Variants in ZNF395 observed in about 807,000 individuals in gnomAD.
The protein encoded by ZNF395 is zinc finger protein 395.
Under a neutral mutation model 57.7 loss-of-function variants are expected in ZNF395, and 20 were observed. That is an observed-to-expected ratio of 0.35 (90% CI 0.24 to 0.50). The LOEUF (loss-of-function observed/expected upper bound fraction) is 0.50. Ranked by LOEUF, ZNF395 falls within the 20% of genes least tolerant of loss-of-function variation. The pLI, the probability that ZNF395 is intolerant of heterozygous loss-of-function variation, is 0.97. For synonymous variants in ZNF395, 295 were observed against 275.9 expected, an observed-to-expected ratio of 1.07 and a Z score of -0.69; for missense variants, 606 against 671.2, an observed-to-expected ratio of 0.90 and a Z score of 1.07.
chr8:28,370,753 G>A (rs77688969), intron 1 of ZNF395, among the ~76,000 whole-genome samples: 4,955 of 152,248 alleles, frequency 0.033, 226 homozygotes, highest in African/African-American at 0.1. Context: ...TGAGGGGGCT[G>A]ACACACACAC....
intron 1 of ZNF395, among the ~76,000 whole-genome samples, chr8:28,376,265 G>A (rs1261216572): frequency 6.6e-6 from 1 of 152,076 alleles, no homozygotes. Context: ...TAGTCTCAAA[G>A]TGCTTGGATT....
chr8:28,358,648 G>C lies in ZNF395; in HGVS notation c.473+944C>G, dbSNP rs567782827. 2.0e-5 allele frequency among the ~76,000 whole-genome samples: 3 copies of C among 152,178 alleles called. No homozygotes were observed. In the South Asian group the frequency reaches 6.2e-4, roughly 32 times the overall value. The stretch of plus-strand genomic sequence containing the variant: ...GTCAAAGTTTCCCTATGTTGCCCAG[G>C]CTGGTCTCAAACTCCCAGCCTCAAG... On this transcript the variant is annotated intron_variant, in intron 3 of 9. Transcript: ENST00000344423.
In ZNF395 at chr8:28,348,791, A is replaced by G. The variant is rs771570883; in HGVS notation, c.1470T>C (p.Tyr490=). Residue 490 remains tyrosine, a synonymous_variant, in exon 10 of 10, where the codon TAT becomes TAC. Transcript: ENST00000344423. ...ACCACTGGTCCCGGTGCTCGATGCC[A>G]TACACCTTGCGGCACTTCTTAGCCT... The part of the protein sequence containing the change: ...RGEAKKCRKV[Y]GIEHRDQWCT... The G allele has an allele frequency of 1.9e-6, 3 of 1,614,040 alleles. No homozygotes were observed. The highest frequency in any genetic ancestry group is 2.5e-6 in the Non-Finnish European group (3 of 1,180,018).
At chr8:28,370,712 T>C (rs1222490820) in intron 1 of ZNF395, among the ~76,000 whole-genome samples, 1 of 152,162 alleles carries the variant, frequency 6.6e-6, no homozygotes, top group Non-Finnish European at 1.5e-5. Flanking sequence ...CACCGGGTGC[T>C]GGTGAGTTCT....
At chr8:28,374,842 C>T (rs1802021532) in intron 1 of ZNF395, among the ~76,000 whole-genome samples, 1 of 152,184 alleles carries the variant, frequency 6.6e-6, no homozygotes, top group Non-Finnish European at 1.5e-5. Context: ...CCAGCCCTTG[C>T]CCAATCACAC....
At chr8:28,370,267 A>G (rs975701389) in intron 1 of ZNF395, among the ~76,000 whole-genome samples, 22 of 152,244 alleles carry the variant, frequency 1.4e-4, no homozygotes, top group Admixed American at 9.8e-4. Flanking sequence ...CCCCAAAAAC[A>G]GAAAGTCAGC....
rs1801594134 is a variant in ZNF395 at position 28,345,879 on chromosome 8, G to A, written c.*2840C>T. 1 of 151,814 alleles carries A rather than the reference G, an allele frequency of 6.6e-6. No homozygotes were observed. The highest frequency in any genetic ancestry group is 2.1e-4 in the South Asian group (1 of 4,816). The allele number at this position is 151,814 out of a possible 1,614,324, so 9.4% of individuals were successfully genotyped here. A position where few individuals can be genotyped will look rare whatever the true frequency, so the allele number is the denominator to read the frequency against. ...CCAAATGAATATTGTTCTCCAAGGAGTCAAGCTATAGACTCACAATGACAA... is the reference window on the plus strand; with the variant it reads ...CCAAATGAATATTGTTCTCCAAGGAATCAAGCTATAGACTCACAATGACAA... On this transcript the variant is annotated 3_prime_UTR_variant, in exon 10 of 10. Coordinates refer to ENST00000344423, the MANE Select transcript of ZNF395 (RefSeq NM_018660.3).
intron 8 of ZNF395, among the ~76,000 whole-genome samples, chr8:28,349,856 C>T (rs537969050): frequency 1.4e-4 from 22 of 152,372 alleles, no homozygotes; most frequent in African/African-American, 5.0e-4. Flanking sequence ...GCGCCTCCTT[C>T]CACCTCCGCG....
chr8:28,378,003 C>A (rs532074983), intron 1 of ZNF395, among the ~76,000 whole-genome samples: 3 of 151,954 alleles, frequency 2.0e-5, no homozygotes, highest in Admixed American at 2.0e-4. Context: ...AGCAATCCAC[C>A]CGCCTCGGCC....
Position 28,351,567 on chromosome 8 carries a change from G to A in ZNF395, c.1161C>T (p.Ser387=), listed in dbSNP as rs1389908162. The A allele has an allele frequency of 6.2e-7, 1 of 1,613,890 alleles. No individual in the cohort carries two copies. Among genetic ancestry groups the A allele is most frequent in the South Asian group, 1.1e-5 (1 of 91,090 alleles). The change falls in exon 7 of 10, where the codon TCC becomes TCT. Residue 387 remains serine (S), a synonymous_variant. Transcript: ENST00000344423. ...SGPEHPGPES[S]LPSGALSKSA... ...ACTTGCTGAGAGCCCCTGAGGGCAG[G>A]GAGGACTCCGGGCCAGGATGTTCTG...
chr8:28,365,058 G>A (rs996374345), intron 1 of ZNF395, among the ~76,000 whole-genome samples: 3 of 152,188 alleles, frequency 2.0e-5, no homozygotes, highest in Non-Finnish European at 2.9e-5. Context: ...GTTTATACTG[G>A]GGATTAATAG....
At chr8:28,383,645 C>T (rs1489648691) in intron 1 of ZNF395, among the ~76,000 whole-genome samples, 1 of 152,084 alleles carries the variant, frequency 6.6e-6, no homozygotes, top group Admixed American at 6.6e-5. Flanking sequence ...AATGGCAGTG[C>T]AGCAGAGGGA....
At chr8:28,378,354 A>G (rs775181302) in intron 1 of ZNF395, among the ~76,000 whole-genome samples, 8 of 152,126 alleles carry the variant, frequency 5.3e-5, no homozygotes, top group Non-Finnish European at 7.4e-5. Context: ...AGCCTCCGAC[A>G]TCAGCCTCCT....
intron 1 of ZNF395, among the ~76,000 whole-genome samples, chr8:28,363,269 C>G (rs1358170985): frequency 6.6e-6 from 1 of 151,982 alleles, no homozygotes. Context: ...GTAGCTGGAA[C>G]CACAGGTGTG....
chr8:28,373,948 C>T (rs1802007520), intron 1 of ZNF395, among the ~76,000 whole-genome samples: 2 of 152,192 alleles, frequency 1.3e-5, no homozygotes, highest in African/African-American at 4.8e-5. Flanking sequence ...CTCAAGAACC[C>T]TACGGCCCAG....
In ZNF395 at chr8:28,359,442, G is replaced by C. The variant is rs1230051222; in HGVS notation, c.473+150C>G. ...AGATGCCACTCTGGTTTTCTTAAAA[G>C]ATTCCCCTTTTCTGTGTCCCATTTG... On this transcript the variant is annotated intron_variant, in intron 3 of 9. Coordinates refer to ENST00000344423, the MANE Select transcript of ZNF395 (RefSeq NM_018660.3). The surrounding 1 kb of genome is among the most constrained non-coding windows in gnomAD (Gnocchi z 4.7). The C allele has an allele frequency of 8.9e-7, 1 of 1,119,978 alleles. No individual in the cohort carries two copies. The highest frequency in any genetic ancestry group is 1.6e-5 in the African/African-American group (1 of 62,714). The allele number at this position is 1,119,978 out of a possible 1,614,324, so 69.4% of individuals were successfully genotyped here. A position where few individuals can be genotyped will look rare whatever the true frequency, so the allele number is the denominator to read the frequency against.
At chr8:28,367,524 AAG>A (rs1801925108) in intron 1 of ZNF395, among the ~76,000 whole-genome samples, 2 of 152,196 alleles carry the variant, frequency 1.3e-5, no homozygotes, top group African/African-American at 4.8e-5. Context: ...AATCAAGTAA[AAG>A]AGACTGTTTC....
chr8:28,360,924 G>C lies in ZNF395; in HGVS notation c.201C>G (p.Thr67=). ...GAAAGGCCACCTGCTGAAGGCCCGAGGTGCTGGGAGCCTTAAGGACTTCCT... is the reference window on the plus strand; with the variant it reads ...GAAAGGCCACCTGCTGAAGGCCCGACGTGCTGGGAGCCTTAAGGACTTCCT... ...QPKEVLKAPS[T]SGLQQVAFQP... Residue 67 remains threonine, a synonymous_variant, in exon 2 of 10, where the codon ACC becomes ACG. Transcript: ENST00000344423. The C allele has an allele frequency of 6.2e-7, 1 of 1,613,994 alleles. No individual in the cohort carries two copies. Among genetic ancestry groups the C allele is most frequent in the Non-Finnish European group, 8.5e-7 (1 of 1,180,002 alleles).
At chr8:28,349,316 A>C (rs1372751769) in intron 8 of ZNF395, 88 bp from the exon 9 acceptor site, 2 of 1,084,802 alleles carry the variant, frequency 1.8e-6, no homozygotes, top group African/African-American at 1.6e-5. Context: ...ACCCGTCCCC[A>C]GCTCCTGGTG....
Sources: allele counts gnomAD v4.1 joint callset (sites outside exome capture counted in the v4.1 genomes callset), GRCh38; gene constraint gnomAD v4.1.1; non-coding constraint Gnocchi (gnomAD v3.1); transcripts MANE v1.5; gene names NCBI Gene and HGNC (gene_info 2026-07-23, HGNC 2026-07-21).